DST: variants seen among roughly 807,000 people sequenced by gnomAD.
DST encodes dystonin, also known as bullous pemphigoid antigen.
In DST, 253 loss-of-function variants were observed where a neutral mutation model predicts 875.2. That is an observed-to-expected ratio of 0.29 (90% CI 0.26 to 0.32). The LOEUF is 0.32. DST is among the 10% of genes least tolerant of loss of function. DST has a pLI of 1.00. For missense variants in DST, 8,287 were observed against 9,111.6 expected (o/e 0.91, Z 3.68); for synonymous variants, 3,124 against 3,197.1 (o/e 0.98, Z 0.77).
rs1290711536 is a variant in DST, at chr6:56,598,724, G to A, written c.11695-15C>T. ...TTCTGTAATTCCTTATAACACAAAA[G>A]GAAAAAATATATTTTATTAAATTAT... On this transcript the variant is annotated splice_polypyrimidine_tract_variant and intron_variant, in intron 45 of 103. Coordinates refer to ENST00000680361, the MANE Select transcript of DST (RefSeq NM_001374736.1). 9 of 1,447,772 alleles carry A rather than the reference G, an allele frequency of 6.2e-6. No homozygotes were observed. The Admixed American group carries it at 1.1e-4, about 17-fold the overall frequency. The allele number at this position is 1,447,772 out of a possible 1,614,324, so 89.7% of individuals were successfully genotyped here. A position where few individuals can be genotyped will look rare whatever the true frequency, so the allele number is the denominator to read the frequency against.
chr6:56,492,278 C>T lies in DST; in HGVS notation c.20706G>A (p.Arg6902=). The change falls in exon 85 of 104, where the codon CGG becomes CGA. Residue 6902 remains arginine, a synonymous_variant. Coordinates refer to ENST00000680361, the MANE Select transcript of DST (RefSeq NM_001374736.1). The part of the protein sequence containing the change: ...VQSRWEKVVQ[R]LVERGRSLDD... ...CCAAAGATCTTCCTCTCTCTACCAA[C>T]CGTTGAACCACTTTTTCCCATCGAC... is the stretch of plus-strand genomic sequence containing the variant. 6.2e-7 allele frequency: 1 copy of T among 1,613,896 alleles called. No individual in the cohort carries two copies.
chr6:56,782,464 G>T (rs890878539), intron 4 of DST, among the ~76,000 whole-genome samples: 2 of 151,850 alleles, frequency 1.3e-5, no homozygotes, highest in African/African-American at 4.8e-5. Context: ...GAGTGCATGT[G>T]TTGAGGAATT....
intron 49 of DST, among the ~76,000 whole-genome samples, chr6:56,589,448 G>A (rs1221299199): frequency 6.6e-6 from 1 of 152,188 alleles, no homozygotes; most frequent in Admixed American, 6.5e-5. Context: ...GTTTTGAATG[G>A]ATTTCAAGGA....
At chr6:56,794,355 C>A (rs139347628) in intron 4 of DST, among the ~76,000 whole-genome samples, 1 of 152,126 alleles carries the variant, frequency 6.6e-6, no homozygotes, top group Non-Finnish European at 1.5e-5. Flanking sequence ...CCTGAAAACA[C>A]ATTACGTTGA....
intron 9 of DST, among the ~76,000 whole-genome samples, chr6:56,696,165 T>G (rs569758433): frequency 3.3e-5 from 5 of 152,254 alleles, no homozygotes; most frequent in East Asian, 1.9e-4. Context: ...GAAGCAAAAC[T>G]TTTTTTATTT....
chr6:56,828,661 T>G (rs546073066), intron 4 of DST, among the ~76,000 whole-genome samples: 2 of 152,364 alleles, frequency 1.3e-5, no homozygotes, highest in East Asian at 3.9e-4. Flanking sequence ...AGCTTGCTTT[T>G]TCCTTTACTG....
Position 56,824,712 on chromosome 6 carries a change from A to G in DST, c.625+26685T>C, listed in dbSNP as rs539202606. 3.3e-5 allele frequency among the ~76,000 whole-genome samples: 5 copies of G among 150,924 alleles called. No homozygotes were observed. The East Asian group carries it at 9.9e-4, about 30-fold the overall frequency. On this transcript the variant is annotated intron_variant, in intron 4 of 103. Coordinates refer to ENST00000680361, the MANE Select transcript of DST (RefSeq NM_001374736.1). ...GCCCAGCCGCCCCATCTGAGAAGTG[A>G]GGAGACCCTCTGCCTGGCAACCACC...
At position 56,900,532 on chromosome 6, in the gene DST, A is replaced by G; in HGVS notation, c.306T>C (p.Val102=). The change falls in exon 3 of 104, where the codon GTT becomes GTC. Residue 102 remains valine (V), a synonymous_variant. Coordinates refer to ENST00000680361, the MANE Select transcript of DST (RefSeq NM_001374736.1). The part of the protein sequence containing the change: ...RLEEVKPVVE[V]HHQSEQETSV... ...AAGTTTCTTGCTCACTCTGATGGTG[A>G]ACTTCCACCACGGGCTTCACTTCTT... 8 of 1,367,630 alleles carry G rather than the reference A, an allele frequency of 5.8e-6. No individual in the cohort carries two copies. The highest frequency in any genetic ancestry group is 7.8e-6 in the Non-Finnish European group (8 of 1,021,850). The allele number at this position is 1,367,630 out of a possible 1,614,324, so 84.7% of individuals were successfully genotyped here.
rs766132088 is a variant in DST at position 56,517,475 on chromosome 6, T to C, written c.18249+26A>G. On this transcript the variant is annotated intron_variant, in intron 70 of 103. Transcript: ENST00000680361. ...GGAGCACACCAGCAAATAATTCATA[T>C]GGCAATTGGAAATGTATTTCTTCAC... is the stretch of plus-strand genomic sequence containing the variant. 1.1e-5 allele frequency: 17 copies of C among 1,607,692 alleles called. No homozygotes were observed. In the South Asian group the frequency reaches 1.4e-4, roughly 14 times the overall value.
intron 61 of DST, chr6:56,542,488 T>C (rs933043335): frequency 1.4e-4 from 20 of 146,370 alleles, no homozygotes; most frequent in African/African-American, 4.6e-4. Flanking sequence ...TGGTCCTCCT[T>C]AGGAAGGCTT....
chr6:56,592,086 T>C (rs2098285882), intron 49 of DST, 96 bp downstream of exon 49: 2 of 1,103,434 alleles, frequency 1.8e-6, no homozygotes, highest in African/African-American at 3.2e-5. Flanking sequence ...ACATCATTTG[T>C]TCCCCTCTCT....
chr6:56,485,104 T>C, intron 88 of DST: 1 of 509,520 alleles, frequency 2.0e-6, no homozygotes, highest in Non-Finnish European at 3.4e-6. Context: ...AGCAAAAGTA[T>C]TTCACTGACA....
intron 4 of DST, among the ~76,000 whole-genome samples, chr6:56,799,734 G>C (rs1486776326): frequency 4.0e-5 from 6 of 151,726 alleles, no homozygotes; most frequent in Admixed American, 2.6e-4. Flanking sequence ...CAATTCTCCT[G>C]CCTCGGCCTT....
intron 3 of DST, chr6:56,871,831 G>C (rs921373981): frequency 3.4e-6 from 1 of 290,138 alleles, no homozygotes; most frequent in Non-Finnish European, 6.5e-6. Flanking sequence ...TTAACAATCA[G>C]GGTAAAGCAA....
At chr6:56,833,147 G>A (rs757834462) in intron 4 of DST, among the ~76,000 whole-genome samples, 1 of 152,210 alleles carries the variant, frequency 6.6e-6, no homozygotes, top group Non-Finnish European at 1.5e-5. Context: ...AGCAAAGGCA[G>A]TCAATAGTGT....
At chr6:56,859,456 T>A (rs1183824278) in intron 3 of DST, among the ~76,000 whole-genome samples, 1 of 152,098 alleles carries the variant, frequency 6.6e-6, no homozygotes, top group Non-Finnish European at 1.5e-5. Context: ...AATAGAGACA[T>A]CAGAACTAGT....
chr6:56,642,005 T>A lies in DST; in HGVS notation c.1969A>T (p.Ile657Phe). 6.2e-7 allele frequency: 1 copy of A among 1,613,468 alleles called. No homozygotes were observed. The highest frequency in any genetic ancestry group is 8.5e-7 in the Non-Finnish European group (1 of 1,179,590). ...ECENLLRQHV[I>F]DVQILIDGKY... is the part of the protein sequence containing the mutation. The stretch of plus-strand genomic sequence containing the variant: ...CCATCAATAAGAATCTGTACATCAA[T>A]TACATGCTGGCGTAAAAGGTTCTCA... Residue 657 changes from isoleucine (I) to phenylalanine (F), a missense_variant, in exon 17 of 104, where the codon ATT becomes TTT. By Grantham distance (21) the Ile-to-Phe change is conservative. This residue lies in a region of DST where 1,160 missense variants were observed against 1,424.3 expected (regional missense o/e 0.81). Coordinates refer to ENST00000680361, the MANE Select transcript of DST (RefSeq NM_001374736.1).
At chr6:56,815,308 G>A (rs2099765292) in intron 4 of DST, among the ~76,000 whole-genome samples, 1 of 151,880 alleles carries the variant, frequency 6.6e-6, no homozygotes, top group Non-Finnish European at 1.5e-5. Flanking sequence ...TATAAGACTT[G>A]TTTTTCTTTT....
intron 10 of DST, among the ~76,000 whole-genome samples, chr6:56,664,247 C>T (rs1031512228): frequency 6.6e-6 from 1 of 152,162 alleles, no homozygotes; most frequent in Non-Finnish European, 1.5e-5. Flanking sequence ...CAATGTTAGG[C>T]ACTGCTGTTT....
Sources: allele counts gnomAD v4.1 joint callset (sites outside exome capture counted in the v4.1 genomes callset), GRCh38; gene constraint gnomAD v4.1.1; regional missense constraint gnomAD v4.1.1; transcripts MANE v1.5; gene names NCBI Gene and HGNC (gene_info 2026-07-23, HGNC 2026-07-21).